Variants in ROR1 observed in about 807,000 individuals in gnomAD.
The protein encoded by ROR1 is ROR family WNT receptor 1, also known as inactive tyrosine-protein kinase transmembrane receptor ROR1.
ROR1 carries 19 observed loss-of-function variants against 78.8 expected under a neutral mutation model. The observed-to-expected ratio is 0.24, with a 90% CI of 0.17 to 0.35. The LOEUF (loss-of-function observed/expected upper bound fraction) is 0.35, where lower values mean the gene tolerates loss of function less well. ROR1 is among the 10% of genes least tolerant of loss of function. The pLI is 1.00. For missense variants in ROR1, 917 were observed against 1,177.8 expected, an observed-to-expected ratio of 0.78 and a Z score of 3.24; for synonymous variants, 386 against 433.6, an observed-to-expected ratio of 0.89 and a Z score of 1.36.
intron 2 of ROR1, among the ~76,000 whole-genome samples, chr1:64,025,120 A>G (rs948803572): frequency 6.6e-6 from 1 of 152,212 alleles, no homozygotes; most frequent in African/African-American, 2.4e-5. Flanking sequence ...TTAAGGTGTT[A>G]TAAGTAATCA....
intron 1 of ROR1, among the ~76,000 whole-genome samples, chr1:63,889,221 A>G (rs1292310890): frequency 6.6e-6 from 1 of 151,394 alleles, no homozygotes; most frequent in Non-Finnish European, 1.5e-5. Context: ...AATTTACAGA[A>G]GTGACATGCC....
At chr1:64,023,183 A>C (rs939671766) in intron 2 of ROR1, among the ~76,000 whole-genome samples, 4 of 152,158 alleles carry the variant, frequency 2.6e-5, no homozygotes, top group African/African-American at 9.7e-5. Context: ...CTGCCCTTGC[A>C]GTGGTGCTGA....
rs376139385 is a variant in ROR1 at position 64,177,743 on chromosome 1, T to G, written c.1702T>G (p.Ser568Ala). Residue 568 changes from serine (S) to alanine (A), a missense_variant, in exon 9 of 9, where the codon TCC becomes GCC. Around this residue, in one of 3 missense-constraint regions of ROR1, gnomAD observed 835 missense variants for 1,069.8 expected, o/e 0.78. Coordinates refer to ENST00000371079, the MANE Select transcript of ROR1 (RefSeq NM_005012.4). ...GDLHEFLIMR[S>A]PHSDVGCSSD... ...TCTCCATGAGTTCCTCATCATGAGA[T>G]CCCCACACTCTGATGTTGGCTGCAG... is the stretch of plus-strand genomic sequence containing the variant. 1.2e-6 allele frequency: 2 copies of G among 1,614,122 alleles called. No homozygotes were observed. Among genetic ancestry groups the G allele is most frequent in the Non-Finnish European group, 1.7e-6 (2 of 1,180,022 alleles).
intron 4 of ROR1, among the ~76,000 whole-genome samples, chr1:64,072,960 G>A (rs1647019779): frequency 2.0e-5 from 3 of 152,154 alleles, no homozygotes; most frequent in Admixed American, 2.0e-4. Flanking sequence ...TACTAGAGTA[G>A]TTGTGATGAA....
At chr1:63,891,605 A>G (rs1242027015) in intron 1 of ROR1, among the ~76,000 whole-genome samples, 2 of 152,296 alleles carry the variant, frequency 1.3e-5, no homozygotes, top group East Asian at 3.9e-4. Context: ...AGAAATTAGC[A>G]TTTGAATCAG....
chr1:64,165,862 A>C (rs1208702546), intron 8 of ROR1, among the ~76,000 whole-genome samples: 1 of 150,812 alleles, frequency 6.6e-6, no homozygotes, highest in Non-Finnish European at 1.5e-5. Context: ...GTACCACCAC[A>C]CGTGGCTAAT....
At chr1:63,948,704 G>A (rs916589886) in intron 1 of ROR1, among the ~76,000 whole-genome samples, 2 of 152,160 alleles carry the variant, frequency 1.3e-5, no homozygotes, top group African/African-American at 4.8e-5. Context: ...AGGTGATTAG[G>A]TCATGAGGAC....
chr1:64,105,084 T>C (rs748212857), intron 4 of ROR1, among the ~76,000 whole-genome samples: 1 of 152,244 alleles, frequency 6.6e-6, no homozygotes, highest in East Asian at 1.9e-4. Flanking sequence ...ATTAACAGTA[T>C]AAAAGTGTTC....
At chr1:64,088,463 TA>T (rs1647170598) in intron 4 of ROR1, among the ~76,000 whole-genome samples, 1 of 152,112 alleles carries the variant, frequency 6.6e-6, no homozygotes, top group Non-Finnish European at 1.5e-5. Flanking sequence ...CTGCATTTTT[TA>T]GGTGTGCAAT....
chr1:63,848,326 G>A (rs1157779878), intron 1 of ROR1, among the ~76,000 whole-genome samples: 2 of 152,168 alleles, frequency 1.3e-5, no homozygotes, highest in African/African-American at 2.4e-5. Context: ...TTCTTTGTGT[G>A]GAGAGCAGAC....
At chr1:64,152,089 A>G (rs1649643758) in intron 7 of ROR1, among the ~76,000 whole-genome samples, 1 of 152,156 alleles carries the variant, frequency 6.6e-6, no homozygotes, top group Non-Finnish European at 1.5e-5. Context: ...TAAGCTAGAA[A>G]CCAAAACTCG....
At chr1:63,902,571 G>T (rs1477132868) in intron 1 of ROR1, among the ~76,000 whole-genome samples, 1 of 151,950 alleles carries the variant, frequency 6.6e-6, no homozygotes, top group Non-Finnish European at 1.5e-5. Flanking sequence ...CAGTCCTCCT[G>T]CCTCAGCCCC....
chr1:63,887,967 C>G (rs757482098), intron 1 of ROR1, among the ~76,000 whole-genome samples: 27 of 152,064 alleles, frequency 1.8e-4, no homozygotes, highest in Non-Finnish European at 2.6e-4. Flanking sequence ...CATGGCGAAA[C>G]CAGAGCTTTC....
intron 1 of ROR1, among the ~76,000 whole-genome samples, chr1:63,790,566 CA>C (rs1644719978): frequency 6.6e-6 from 1 of 152,174 alleles, no homozygotes; most frequent in African/African-American, 2.4e-5. Context: ...AATTGGCAAC[CA>C]ATTCAGATTC....
Position 64,159,001 on chromosome 1 carries a change from A to T in ROR1, c.1195A>T (p.Lys399Ter), listed in dbSNP as rs1453213231. 1 of 1,614,044 alleles carries T rather than the reference A, an allele frequency of 6.2e-7. No individual in the cohort carries two copies. The highest frequency in any genetic ancestry group is 8.5e-7 in the Non-Finnish European group (1 of 1,179,916). ...CCCAGATTCAAAGGATTCCAAGGAG[A>T]AGAATAAAATGGAAATCCTGTACAT... The part of the protein sequence containing the change: ...PACDSKDSKE[K>*]NKMEILYILV... Residue 399 changes from lysine (K) to a stop codon, truncating the protein, a stop_gained, in exon 8 of 9, where the codon AAG (lysine) becomes TAG (stop). Transcript: ENST00000371079. LOFTEE classifies it high-confidence loss of function.
intron 1 of ROR1, among the ~76,000 whole-genome samples, chr1:63,923,677 A>G (rs1344095529): frequency 6.6e-6 from 1 of 151,372 alleles, no homozygotes; most frequent in East Asian, 2.0e-4. Context: ...CCCACTTGAC[A>G]GAGCATCTAG....
intron 1 of ROR1, among the ~76,000 whole-genome samples, chr1:63,820,846 G>A (rs1388968409): frequency 6.6e-6 from 1 of 152,186 alleles, no homozygotes; most frequent in Non-Finnish European, 1.5e-5. Flanking sequence ...AACAGATGAG[G>A]AATGGAGAAG....
chr1:64,153,779 TAG>T (rs1649695648), intron 7 of ROR1, among the ~76,000 whole-genome samples: 1 of 152,142 alleles, frequency 6.6e-6, no homozygotes, highest in Non-Finnish European at 1.5e-5. Flanking sequence ...TCAATGGGCA[TAG>T]AGTTTTAGTT....
Position 63,774,707 on chromosome 1 carries a change from C to G in ROR1, c.91+199C>G, listed in dbSNP as rs553301140. Among the ~76,000 whole-genome samples, 88 of 151,470 alleles carry G rather than the reference C, an allele frequency of 5.8e-4. No individual in the cohort carries two copies. The highest frequency in any genetic ancestry group is 2.1e-3 in the South Asian group (10 of 4,824). ...CGCCAGGCCAGGGTTTGCCCCGGAG[C>G]CCCGCGGCGGGCCGGGGCGCGCCCA... is the stretch of plus-strand genomic sequence containing the variant. On this transcript the variant is annotated intron_variant, in intron 1 of 8. Coordinates refer to ENST00000371079, the MANE Select transcript of ROR1 (RefSeq NM_005012.4). This position sits in a 1 kb window ranked among gnomAD's most constrained non-coding sequence, Gnocchi z 5.7.
Sources: allele counts gnomAD v4.1 joint callset (sites outside exome capture counted in the v4.1 genomes callset), GRCh38; gene constraint gnomAD v4.1.1; regional missense constraint gnomAD v4.1.1; non-coding constraint Gnocchi (gnomAD v3.1); transcripts MANE v1.5; gene names NCBI Gene and HGNC (gene_info 2026-07-23, HGNC 2026-07-21).